Variants in RTF2 observed in about 807,000 individuals in gnomAD.
RTF2 encodes the protein UPF0549 protein C20orf43.
A neutral mutation model predicts 38.0 loss-of-function variants in RTF2; 18 were observed. The ratio of observed to expected loss-of-function variants is 0.47; its 90% CI spans 0.33 to 0.70. The LOEUF is 0.70. Ranked by LOEUF, RTF2 falls within the 30% of genes least tolerant of loss-of-function variation. RTF2 has a pLI of 0.02. For synonymous variants in RTF2, 126 were observed against 137.1 expected (o/e 0.92, Z 0.57); for missense variants, 311 against 379.6 (o/e 0.82, Z 1.50).
Position 56,484,136 on chromosome 20 carries a change from T to C in RTF2, c.424T>C (p.Cys142Arg), listed in dbSNP as rs763681770. The C allele has an allele frequency of 6.2e-7, 1 of 1,614,218 alleles. No homozygotes were observed. Among genetic ancestry groups the C allele is most frequent in the South Asian group, 1.1e-5 (1 of 91,088 alleles). ...HRFCFLRCCG[C>R]VFSERALKEI... is the part of the protein sequence containing the mutation. ...GTTCTGCTTCCTTCGGTGCTGCGGC[T>C]GTGTGTTTTCTGAGCGAGCCTTGAA... Residue 142 changes from cysteine to arginine, a missense_variant, in exon 5 of 9, where the codon TGT becomes CGT. Coordinates refer to ENST00000357348, the MANE Select transcript of RTF2 (RefSeq NM_016407.5).
intron 5 of RTF2, chr20:56,496,708 T>C: frequency 6.4e-7 from 1 of 1,551,640 alleles, no homozygotes; most frequent in Non-Finnish European, 8.7e-7. Context: ...CACTGAAGCA[T>C]GTCTTTTGCA....
intron 5 of RTF2, among the ~76,000 whole-genome samples, chr20:56,490,277 A>G (rs1983036310): frequency 1.3e-5 from 2 of 152,172 alleles, no homozygotes; most frequent in Admixed American, 6.5e-5. Context: ...CTGTGTTCCC[A>G]TCTTTAAATC....
intron 5 of RTF2, among the ~76,000 whole-genome samples, chr20:56,491,947 G>T (rs1242157687): frequency 6.6e-6 from 1 of 152,134 alleles, no homozygotes. Flanking sequence ...GGGCTTTTAT[G>T]TTGAATTTTG....
chr20:56,477,596 T>A (rs936388231), intron 4 of RTF2, among the ~76,000 whole-genome samples: 6 of 152,172 alleles, frequency 3.9e-5, no homozygotes, highest in African/African-American at 1.2e-4. Flanking sequence ...TTGCCCAGGC[T>A]GGTCTTGAAT....
intron 1 of RTF2, among the ~76,000 whole-genome samples, chr20:56,469,135 C>G (rs1464229208): frequency 6.6e-6 from 1 of 152,200 alleles, no homozygotes; most frequent in Admixed American, 6.5e-5. Context: ...AGCAATAATA[C>G]AAATACCTAG....
chr20:56,516,848 A>G (rs1264044241), intron 6 of RTF2, 87 bp from the exon 7 acceptor site: 3 of 1,231,942 alleles, frequency 2.4e-6, no homozygotes, highest in Non-Finnish European at 1.2e-6. Context: ...TCAGTCAGAC[A>G]GGGCACCCGG....
rs541007858 is a variant in RTF2, at chr20:56,499,655, C to T, written c.478-13660C>T. Reference sequence around the variant, plus strand: ...ATTTTGATTAAAGATAAACCAGATACCATAGTTTGTCATATCTTCCCCTGT... The same window carrying T: ...ATTTTGATTAAAGATAAACCAGATATCATAGTTTGTCATATCTTCCCCTGT... On this transcript the variant is annotated intron_variant, in intron 5 of 8. Coordinates refer to ENST00000357348, the MANE Select transcript of RTF2 (RefSeq NM_016407.5). 2.0e-4 allele frequency among the ~76,000 whole-genome samples: 30 copies of T among 151,996 alleles called. No individual in the cohort carries two copies. The South Asian group carries it at 6.2e-3, about 32-fold the overall frequency.
intron 5 of RTF2, among the ~76,000 whole-genome samples, chr20:56,507,564 A>G (rs1241788112): frequency 6.6e-6 from 1 of 152,232 alleles, no homozygotes; most frequent in Admixed American, 6.5e-5. Flanking sequence ...TGGGCACAAC[A>G]CAACACAACT....
At chr20:56,491,740 C>T (rs1035541467) in intron 5 of RTF2, 2 of 1,551,980 alleles carry the variant, frequency 1.3e-6, no homozygotes, top group African/African-American at 2.7e-5. Context: ...TGAGCCACGG[C>T]AGGTCTCCTG....
At chr20:56,479,456 C>G (rs1334526183) in intron 4 of RTF2, among the ~76,000 whole-genome samples, 1 of 152,166 alleles carries the variant, frequency 6.6e-6, no homozygotes, top group East Asian at 1.9e-4. Flanking sequence ...AACTCCTGAC[C>G]TCAGATGATC....
At chr20:56,491,058 C>G (rs1983095661) in intron 5 of RTF2, among the ~76,000 whole-genome samples, 1 of 152,208 alleles carries the variant, frequency 6.6e-6, no homozygotes, top group Non-Finnish European at 1.5e-5. Flanking sequence ...TCCAGATGAG[C>G]TCTGTTTTAC....
chr20:56,477,203 TAGC>T, intron 4 of RTF2, 79 bp downstream of exon 4: 1 of 1,547,180 alleles, frequency 6.5e-7, no homozygotes, highest in Non-Finnish European at 8.8e-7. Context: ...TGCCGGAGCT[TAGC>T]AGTCATGTGG....
intron 4 of RTF2, among the ~76,000 whole-genome samples, chr20:56,481,533 A>G (rs16979973): frequency 0.38 from 57,217 of 152,074 alleles, 11,430 homozygotes; most frequent in Non-Finnish European, 0.45. Context: ...GTCAAGTAAG[A>G]CATATTCTGG....
At chr20:56,491,709 C>G (rs1225134383) in intron 5 of RTF2, 2 of 1,552,260 alleles carry the variant, frequency 1.3e-6, no homozygotes, top group South Asian at 1.2e-5. Flanking sequence ...AATTTGTTGG[C>G]AAACAGAGAA....
chr20:56,491,968 G>A (rs1032316373), intron 5 of RTF2, among the ~76,000 whole-genome samples: 1 of 152,084 alleles, frequency 6.6e-6, no homozygotes, highest in Non-Finnish European at 1.5e-5. Flanking sequence ...AACTTACGGT[G>A]GAAAGGCGCA....
At chr20:56,495,907 A>G (rs1264125247) in intron 5 of RTF2, among the ~76,000 whole-genome samples, 3 of 152,210 alleles carry the variant, frequency 2.0e-5, no homozygotes, top group Non-Finnish European at 4.4e-5. Context: ...GAAGTATCAG[A>G]TTTGCCACAA....
At chr20:56,501,082 C>T (rs973247035) in intron 5 of RTF2, among the ~76,000 whole-genome samples, 1 of 152,166 alleles carries the variant, frequency 6.6e-6, no homozygotes, top group African/African-American at 2.4e-5. Flanking sequence ...CTTTTTAAGG[C>T]AGTCAGGCCC....
At chr20:56,508,071 A>G (rs529937998) in intron 5 of RTF2, among the ~76,000 whole-genome samples, 2 of 152,228 alleles carry the variant, frequency 1.3e-5, no homozygotes, top group African/African-American at 4.8e-5. Context: ...TAACTTCTCT[A>G]TGGCACCACC....
intron 5 of RTF2, among the ~76,000 whole-genome samples, chr20:56,496,273 C>T (rs1048372330): frequency 2.0e-5 from 3 of 152,118 alleles, no homozygotes; most frequent in African/African-American, 4.8e-5. Context: ...TATGGCCGGG[C>T]GTGGTGGCTC....
Sources: allele counts gnomAD v4.1 joint callset (sites outside exome capture counted in the v4.1 genomes callset), GRCh38; gene constraint gnomAD v4.1.1; transcripts MANE v1.5; gene names NCBI Gene and HGNC (gene_info 2026-07-23, HGNC 2026-07-21).